Variants in LRP2 observed in about 807,000 individuals in gnomAD.
LRP2 encodes the protein LDL receptor related protein 2.
LRP2 carries 172 observed loss-of-function variants against 531.0 expected under a neutral mutation model. That is an observed-to-expected ratio of 0.32 (90% CI 0.29 to 0.37). The LOEUF (loss-of-function observed/expected upper bound fraction) is 0.37. LRP2 is among the 10% of genes least tolerant of loss of function. LRP2 has a pLI of 1.00. For synonymous variants in LRP2, 1,992 were observed against 2,027.6 expected, an observed-to-expected ratio of 0.98 and a Z score of 0.47; for missense variants, 5,167 against 5,868.3, an observed-to-expected ratio of 0.88 and a Z score of 3.90.
chr2:169,193,256 G>A (rs771552018), intron 47 of LRP2, among the ~76,000 whole-genome samples: 3 of 149,492 alleles, frequency 2.0e-5, no homozygotes, highest in African/African-American at 5.1e-5. Context: ...GTGAGACTTC[G>A]TCTCTACAAA....
chr2:169,187,817 A>G (rs1262001327), intron 49 of LRP2, among the ~76,000 whole-genome samples, 153 bp downstream of exon 49: 1 of 152,234 alleles, frequency 6.6e-6, no homozygotes, highest in Non-Finnish European at 1.5e-5. Context: ...TTATATACCA[A>G]GAAACTTTGG....
chr2:169,257,105 G>A lies in LRP2; in HGVS notation c.2639+19C>T, dbSNP rs1690334320. On this transcript the variant is annotated intron_variant, in intron 18 of 78. Transcript: ENST00000649046. ...CAGTAAAAGAGAACTAAGTATCGGGGATGATGATTCCTACTTACGCCCAAT... is the reference window on the plus strand; with the variant it reads ...CAGTAAAAGAGAACTAAGTATCGGGAATGATGATTCCTACTTACGCCCAAT... 6.2e-7 allele frequency: 1 copy of A among 1,612,026 alleles called. No homozygotes were observed. Among genetic ancestry groups the A allele is most frequent in the Non-Finnish European group, 8.5e-7 (1 of 1,178,588 alleles).
chr2:169,217,343 A>AATTT (rs1688837210), intron 34 of LRP2, among the ~76,000 whole-genome samples: 1 of 151,952 alleles, frequency 6.6e-6, no homozygotes, highest in Non-Finnish European at 1.5e-5. Flanking sequence ...TCAACTCTAA[A>AATTT]CTTCTCCGCC....
At chr2:169,311,097 C>T (rs1348310522) in intron 3 of LRP2, among the ~76,000 whole-genome samples, 3 of 151,802 alleles carry the variant, frequency 2.0e-5, no homozygotes, top group South Asian at 2.1e-4. Context: ...TCTCTTTTTT[C>T]GTTATTAGTC....
At chr2:169,356,502 C>T (rs1007368296) in intron 1 of LRP2, among the ~76,000 whole-genome samples, 1 of 152,152 alleles carries the variant, frequency 6.6e-6, no homozygotes, top group Non-Finnish European at 1.5e-5. Context: ...GCATAACCAC[C>T]CCGTGAGGTA....
chr2:169,285,950 A>G (rs1259818737), intron 9 of LRP2, among the ~76,000 whole-genome samples: 1 of 152,224 alleles, frequency 6.6e-6, no homozygotes, highest in Non-Finnish European at 1.5e-5. Context: ...AAGCCTGTGT[A>G]ATGCGTCAGC....
intron 1 of LRP2, among the ~76,000 whole-genome samples, chr2:169,331,332 G>A (rs1193271946): frequency 1.3e-5 from 2 of 152,260 alleles, no homozygotes; most frequent in African/African-American, 4.8e-5. Flanking sequence ...AATCACTTAA[G>A]CGCTCAAACA....
intron 75 of LRP2, among the ~76,000 whole-genome samples, chr2:169,138,357 C>T (rs1341582097): frequency 2.0e-5 from 3 of 152,198 alleles, no homozygotes; most frequent in South Asian, 2.1e-4. Context: ...TCCAATTCAA[C>T]AGCGTGGCTT....
At chr2:169,333,471 G>A (rs941598866) in intron 1 of LRP2, among the ~76,000 whole-genome samples, 2 of 137,958 alleles carry the variant, frequency 1.4e-5, no homozygotes, top group African/African-American at 5.2e-5. Flanking sequence ...AAGGAAGGAG[G>A]GAAGGAAGAA....
chr2:169,239,091 T>G (rs1189860332), intron 26 of LRP2, among the ~76,000 whole-genome samples: 1 of 152,202 alleles, frequency 6.6e-6, no homozygotes, highest in African/African-American at 2.4e-5. Flanking sequence ...ACTTTCTGTT[T>G]TTGTTTTAGC....
Position 169,259,065 on chromosome 2 carries a change from A to G in LRP2, c.2473T>C (p.Leu825=), listed in dbSNP as rs1158262212. Residue 825 remains leucine, a synonymous_variant, in exon 17 of 79, where the codon TTA becomes CTA. Coordinates refer to ENST00000649046, the MANE Select transcript of LRP2 (RefSeq NM_004525.3). ...ACTACCACCGACCGTGGGTTATTTA[A>G]ATACTGAACTACTGTGCGTCTCGTT... ...DKTRRTVVQY[L]NNPRSVVVHP... is the part of the protein sequence containing the mutation. The G allele has an allele frequency of 1.9e-6, 3 of 1,613,394 alleles. No individual in the cohort carries two copies. Among genetic ancestry groups the G allele is most frequent in the South Asian group, 2.2e-5 (2 of 91,048 alleles).
chr2:169,181,915 T>C (rs567703336), intron 51 of LRP2, among the ~76,000 whole-genome samples: 263 of 152,334 alleles, frequency 1.7e-3, no homozygotes, highest in African/African-American at 5.7e-3. Context: ...CAGTTTTCTT[T>C]GCATGCAGCC....
At chr2:169,319,733 T>G (rs150079099) in intron 2 of LRP2, among the ~76,000 whole-genome samples, 59 of 152,324 alleles carry the variant, frequency 3.9e-4, no homozygotes, top group Middle Eastern at 3.4e-3. Flanking sequence ...AGCATCAACA[T>G]CATCAGGAAG....
intron 3 of LRP2, among the ~76,000 whole-genome samples, chr2:169,317,605 G>C (rs961507389): frequency 6.6e-6 from 1 of 152,020 alleles, no homozygotes; most frequent in African/African-American, 2.4e-5. Context: ...TCCCCTTTTT[G>C]TTTAACTTTT....
chr2:169,341,121 G>A (rs923201195), intron 1 of LRP2, among the ~76,000 whole-genome samples: 2 of 152,170 alleles, frequency 1.3e-5, no homozygotes, highest in African/African-American at 2.4e-5. Context: ...GTCCTGTAGA[G>A]AAAGGTGCAT....
chr2:169,201,794 G>C lies in LRP2; in HGVS notation c.8286C>G (p.Tyr2762Ter). Residue 2762 changes from tyrosine (Y) to a stop codon, truncating the protein, a stop_gained, in exon 44 of 79, where the codon TAC becomes TAG. Transcript: ENST00000649046. LOFTEE classifies it high-confidence loss of function. ...RCVQYSYRCD[Y>*]YNDCGDGSDE... is the part of the protein sequence containing the mutation. ...CACTGCCATCACCACAGTCATTGTA[G>C]TAATCACAGCGGTAAGAGTATTGGA... The C allele has an allele frequency of 6.2e-7, 1 of 1,614,182 alleles. No homozygotes were observed. Among genetic ancestry groups the C allele is most frequent in the Non-Finnish European group, 8.5e-7 (1 of 1,180,036 alleles).
intron 16 of LRP2, 92 bp downstream of exon 16, chr2:169,270,812 T>A: frequency 1.6e-6 from 1 of 635,130 alleles, no homozygotes. Context: ...AAAAATTAGA[T>A]ACTGAGTTTT....
chr2:169,351,702 G>GT (rs1390542262), intron 1 of LRP2, among the ~76,000 whole-genome samples: 36 of 152,178 alleles, frequency 2.4e-4, no homozygotes, highest in Non-Finnish European at 1.5e-4. Flanking sequence ...TAGGAAGCAA[G>GT]TCCTAAGCTT....
chr2:169,176,650 G>T, intron 53 of LRP2, 62 bp from the exon 54 acceptor site: 1 of 1,423,248 alleles, frequency 7.0e-7, no homozygotes. Flanking sequence ...GCACAGATTA[G>T]CTGATTACAC....
Sources: allele counts gnomAD v4.1 joint callset (sites outside exome capture counted in the v4.1 genomes callset), GRCh38; gene constraint gnomAD v4.1.1; transcripts MANE v1.5; gene names NCBI Gene and HGNC (gene_info 2026-07-23, HGNC 2026-07-21).